Variants in PARP10 observed in about 807,000 individuals in gnomAD.
PARP10 encodes the protein poly(ADP-ribose) polymerase family member 10.
PARP10 carries 56 observed loss-of-function variants against 82.4 expected under a neutral mutation model. The ratio of observed to expected loss-of-function variants is 0.68; its 90% CI spans 0.55 to 0.85. The LOEUF is 0.85. PARP10 is among the 40% of genes least tolerant of loss of function. The probability of loss-of-function intolerance (pLI) is 0.00; values close to 1 mark genes in which losing one functional copy is unlikely to be tolerated. For synonymous variants in PARP10, 576 were observed against 601.1 expected, an observed-to-expected ratio of 0.96 and a Z score of 0.61; for missense variants, 1,227 against 1,379.4, an observed-to-expected ratio of 0.89 and a Z score of 1.75.
intron 7 of PARP10, 95 bp downstream of exon 7, chr8:143,983,913 G>A: frequency 1.3e-6 from 2 of 1,487,772 alleles, no homozygotes; most frequent in African/African-American, 1.4e-5. Context: ...GTGGGCCTAA[G>A]ATGGGTCAGT....
chr8:143,982,178 CCCCG>C (rs1833878935), intron 9 of PARP10, among the ~76,000 whole-genome samples: 1 of 152,148 alleles, frequency 6.6e-6, no homozygotes, highest in Non-Finnish European at 1.5e-5. Flanking sequence ...GTTGAGAGTG[CCCCG>C]TGCAAGGCCG....
Position 143,985,074 on chromosome 8 carries a change from T to A in PARP10, c.928A>T (p.Thr310Ser), listed in dbSNP as rs1554748915. ...EPGQSGASLRTGPMVQGRGIM... is the reference protein window; with the variant it reads ...EPGQSGASLRSGPMVQGRGIM... ...CCTCTACCCTGCACCATGGGACCTGTCCTCAGAGAGGCCCCTGACTGCCCT... is the reference window on the plus strand; with the variant it reads ...CCTCTACCCTGCACCATGGGACCTGACCTCAGAGAGGCCCCTGACTGCCCT... The change falls in exon 5 of 11, where the codon ACA (threonine) becomes TCA (serine). Residue 310 changes from threonine to serine, a missense_variant. Physicochemically the swap from Thr to Ser is moderately conservative, Grantham distance 58. Transcript: ENST00000313028. 1 of 1,613,836 alleles carries A rather than the reference T, an allele frequency of 6.2e-7. No individual in the cohort carries two copies. Among genetic ancestry groups the A allele is most frequent in the Non-Finnish European group, 8.5e-7 (1 of 1,179,954 alleles).
chr8:143,979,082 C>T (rs1833788688), intron 9 of PARP10, among the ~76,000 whole-genome samples: 1 of 151,946 alleles, frequency 6.6e-6, no homozygotes, highest in Admixed American at 6.6e-5. Flanking sequence ...ACGCCATTCT[C>T]CTGCCTCAGC....
rs1274279080 is a variant in PARP10, at chr8:144,008,178, T to C, written c.-80+4352A>G. ...TCGCATGGCCAGTACTGCTAGGACA[T>C]GTGGCGGATAGCTGCTTCCCAGGAG... On this transcript the variant is annotated intron_variant, in intron 1 of 3. Transcript: ENST00000530478. The surrounding 1 kb of genome is among the most constrained non-coding windows in gnomAD (Gnocchi z 4.0). Among the ~76,000 whole-genome samples, 1 of 152,124 alleles carries C rather than the reference T, an allele frequency of 6.6e-6. No individual in the cohort carries two copies. The highest frequency in any genetic ancestry group is 1.5e-5 in the Non-Finnish European group (1 of 68,028).
Position 143,977,795 on chromosome 8 carries a change from G to C in PARP10, c.2767C>G (p.Arg923Gly). The C allele has an allele frequency of 6.2e-7, 1 of 1,601,540 alleles. No homozygotes were observed. The highest frequency in any genetic ancestry group is 8.5e-7 in the Non-Finnish European group (1 of 1,174,516). The change falls in exon 11 of 11, where the codon CGC (arginine) becomes GGC (glycine). Residue 923 changes from arginine (R) to glycine (G), a missense_variant. By Grantham distance (125) the Arg-to-Gly change is moderately radical. Coordinates refer to ENST00000313028, the MANE Select transcript of PARP10 (RefSeq NM_032789.5). ...VYGKGVYFAR[R>G]ASLSVQDRYS... is the part of the protein sequence containing the mutation. Reference sequence around the variant, plus strand: ...CGGTCCTGCACCGACAGGGAGGCGCGCCTGGCGAAATACACGCCCTTCCCG... The same window carrying C: ...CGGTCCTGCACCGACAGGGAGGCGCCCCTGGCGAAATACACGCCCTTCCCG...
upstream of PARP10, chr8:143,993,254 C>G (rs781938697): frequency 3.7e-5 from 9 of 240,486 alleles, no homozygotes; most frequent in African/African-American, 8.9e-5. Context: ...TCCCCTCCCC[C>G]CCACCCCCCT....
rs563193593 is a variant in PARP10 at position 144,011,354 on chromosome 8, G to C, written c.-80+1176C>G. 1.3e-5 allele frequency among the ~76,000 whole-genome samples: 2 copies of C among 152,218 alleles called. No homozygotes were observed. The highest frequency in any genetic ancestry group is 3.9e-4 in the East Asian group (2 of 5,156). On this transcript the variant is annotated intron_variant, in intron 1 of 3. Transcript: ENST00000530478. This position sits in a 1 kb window ranked among gnomAD's most constrained non-coding sequence, Gnocchi z 4.5. ...GCCAGGATTACAGTCTGAAGCATTA[G>C]AGGAGGGGTGGGGGTAGGCCCCCCA...
rs1833942479 is a variant in PARP10 at position 143,984,670 on chromosome 8, C to T, written c.1332G>A (p.Val444=). 6.8e-6 allele frequency: 11 copies of T among 1,613,982 alleles called. No homozygotes were observed. Among genetic ancestry groups the T allele is most frequent in the South Asian group, 4.4e-5 (4 of 91,086 alleles). Residue 444 remains valine (V), a synonymous_variant, in exon 5 of 11, where the codon GTG becomes GTA. Coordinates refer to ENST00000313028, the MANE Select transcript of PARP10 (RefSeq NM_032789.5). ...CTGGCTCCATCAATAGCACCATCTCCACCAGGCCCTCCTGCCCTGCCAGCT... is the reference window on the plus strand; with the variant it reads ...CTGGCTCCATCAATAGCACCATCTCTACCAGGCCCTCCTGCCCTGCCAGCT... The part of the protein sequence containing the change: ...CVKLAGQEGL[V]EMVLLMEPGA...
chr8:144,012,558 G>A, exon 1 of PARP10: 24 of 1,551,772 alleles, frequency 1.5e-5, no homozygotes, highest in Non-Finnish European at 2.0e-5. Context: ...GCATCAGATA[G>A]AGAGGCTGGT....
chr8:143,992,495 G>A (rs376323488), upstream of PARP10: 21 of 1,614,116 alleles, frequency 1.3e-5, no homozygotes, highest in East Asian at 2.2e-4. Context: ...ATGCATGGGC[G>A]TGCTCCTGGT....
chr8:143,982,244 C>T (rs542126468), intron 9 of PARP10, among the ~76,000 whole-genome samples: 13 of 151,986 alleles, frequency 8.6e-5, no homozygotes, highest in Middle Eastern at 3.4e-3. Context: ...CCGAGGCGGG[C>T]GGATCACGAG....
Position 143,985,419 on chromosome 8 carries a change from C to T in PARP10, c.666G>A (p.Gln222=). The T allele has an allele frequency of 1.2e-6, 2 of 1,609,380 alleles. No individual in the cohort carries two copies. The highest frequency in any genetic ancestry group is 1.1e-5 in the South Asian group (1 of 90,452). Reference sequence around the variant, plus strand: ...CTGCCCAGCCCCACTCACCTTGCCACTGCTGGAAGGAGGCAACAGTGCCCA... The same window carrying T: ...CTGCCCAGCCCCACTCACCTTGCCATTGCTGGAAGGAGGCAACAGTGCCCA... The part of the protein sequence containing the change: ...GPLGTVASFQ[Q]WQVAERVLQQ... Residue 222 remains glutamine, a synonymous_variant, in exon 4 of 11, where the codon CAG becomes CAA. Transcript: ENST00000313028.
rs1185015984 is a variant in PARP10, at chr8:143,985,968, C to A, written c.189G>T (p.Glu63Asp). The A allele has an allele frequency of 2.5e-6, 4 of 1,590,298 alleles. No individual in the cohort carries two copies. The highest frequency in any genetic ancestry group is 3.4e-6 in the Non-Finnish European group (4 of 1,164,164). ...CGTGATCTGCCTGGGCCAAGACCCT[C>A]TCGGCGTCTGTGGGCAGGGGCGGGG... ...VLTFREPADA[E>D]RVLAQADHEL... Residue 63 changes from glutamate to aspartate, a missense_variant, in exon 3 of 11, where the codon GAG becomes GAT. Transcript: ENST00000313028.
rs1228732338 is a variant in PARP10, at chr8:143,977,614, C to G, written c.2948G>C (p.Cys983Ser). ...GAAGATGACGAAGATGCTGGGCTGGCAGATGCAGTCCACGGCGCTGTCGTA... is the reference window on the plus strand; with the variant it reads ...GAAGATGACGAAGATGCTGGGCTGGGAGATGCAGTCCACGGCGCTGTCGTA... ...LRYDSAVDCI[C>S]QPSIFVIFHD... The change falls in exon 11 of 11, where the codon TGC (cysteine) becomes TCC (serine). Residue 983 changes from cysteine (C) to serine (S), a missense_variant. Coordinates refer to ENST00000313028, the MANE Select transcript of PARP10 (RefSeq NM_032789.5). 1.3e-6 allele frequency: 2 copies of G among 1,589,500 alleles called. No individual in the cohort carries two copies. Among genetic ancestry groups the G allele is most frequent in the South Asian group, 1.1e-5 (1 of 87,722 alleles).
rs1440781259 is a variant in PARP10, at chr8:143,984,089, C to T, written c.1696G>A (p.Ala566Thr). ...TGLEEVDPTE[A>T]LPVLPGNAHT... is the part of the protein sequence containing the mutation. The stretch of plus-strand genomic sequence containing the variant: ...GCGTTGCCAGGGAGCACTGGGAGGG[C>T]CTCGGTAGGGTCCACCTGTAGGGAG... The change falls in exon 7 of 11, where the codon GCC (alanine) becomes ACC (threonine). Residue 566 changes from alanine to threonine, a missense_variant. Coordinates refer to ENST00000313028, the MANE Select transcript of PARP10 (RefSeq NM_032789.5). The T allele has an allele frequency of 1.2e-5, 19 of 1,553,704 alleles. No homozygotes were observed. Among genetic ancestry groups the T allele is most frequent in the Non-Finnish European group, 4.4e-6 (5 of 1,148,922 alleles).
chr8:143,977,440 G>T lies in PARP10; in HGVS notation c.*44C>A. ...GGCGGGGAGCATCAGCCTGTGCGGA[G>T]CTGGGAGCCTGGGAAGCAGGAGGCC... On this transcript the variant is annotated 3_prime_UTR_variant, in exon 11 of 11. Transcript: ENST00000313028. The T allele has an allele frequency of 6.8e-7, 1 of 1,470,918 alleles. No individual in the cohort carries two copies. Among genetic ancestry groups the T allele is most frequent in the Non-Finnish European group, 9.1e-7 (1 of 1,097,522 alleles). 91.1% of individuals were successfully genotyped at this position (1,470,918 alleles called of 1,614,324 possible).
intron 1 of PARP10, among the ~76,000 whole-genome samples, chr8:144,004,972 A>G (rs1834224807): frequency 6.6e-6 from 1 of 152,146 alleles, no homozygotes; most frequent in Admixed American, 6.5e-5. Flanking sequence ...TGAGGTCAGG[A>G]GTTCGAGACC....
chr8:144,011,765 C>T lies in PARP10; in HGVS notation c.-80+765G>A, dbSNP rs935584816. ...GATCCAAGTGCGGAGAAGGCAACGACGGGAGATTTGGAATAGGGAACGCTG... is the reference window on the plus strand; with the variant it reads ...GATCCAAGTGCGGAGAAGGCAACGATGGGAGATTTGGAATAGGGAACGCTG... On this transcript the variant is annotated intron_variant, in intron 1 of 3. Coordinates refer to the PARP10 transcript ENST00000530478. This position sits in a 1 kb window ranked among gnomAD's most constrained non-coding sequence, Gnocchi z 4.5. Among the ~76,000 whole-genome samples, 4 of 151,984 alleles carry T rather than the reference C, an allele frequency of 2.6e-5. No individual in the cohort carries two copies. The highest frequency in any genetic ancestry group is 6.6e-5 in the Admixed American group (1 of 15,266).
rs1833930747 is a variant in PARP10 at position 143,984,206 on chromosome 8, C to A, written c.1680+4G>T. ...GGAGGGCAGGGGTGGGACTCCATCT[C>A]TACCTCTTCAAGGCCTGTGTCCAAC... On this transcript the variant is annotated splice_donor_region_variant and intron_variant, in intron 6 of 10. Coordinates refer to ENST00000313028, the MANE Select transcript of PARP10 (RefSeq NM_032789.5). 6.2e-7 allele frequency: 1 copy of A among 1,611,556 alleles called. No homozygotes were observed. Among genetic ancestry groups the A allele is most frequent in the East Asian group, 2.2e-5 (1 of 44,798 alleles).
Sources: gnomAD v4.1 joint callset for allele counts (sites outside exome capture counted in the v4.1 genomes callset) on GRCh38, gnomAD v4.1.1 for gene constraint, Gnocchi (gnomAD v3.1) non-coding constraint, MANE v1.5 for transcripts, NCBI Gene and HGNC (gene_info 2026-07-23, HGNC 2026-07-21) for gene names.